The following NAV2 variants were observed in gnomAD, a reference collection of about 807,000 sequenced individuals.
The protein encoded by NAV2 is neuron navigator 2, also known as helicase, APC down-regulated 1.
Under a neutral mutation model 223.2 loss-of-function variants are expected in NAV2, and 54 were observed. The ratio of observed to expected loss-of-function variants is 0.24; its 90% CI spans 0.19 to 0.30. NAV2 has a LOEUF of 0.30. Ranked by LOEUF, NAV2 falls within the 10% of genes least tolerant of loss-of-function variation. NAV2 has a pLI of 1.00. For synonymous variants in NAV2, 1,279 were observed against 1,239.3 expected, an observed-to-expected ratio of 1.03 and a Z score of -0.67; for missense variants, 2,806 against 3,147.5, an observed-to-expected ratio of 0.89 and a Z score of 2.60.
chr11:19,878,789 GC>G (rs1336375868), intron 4 of NAV2, among the ~76,000 whole-genome samples: 1 of 152,164 alleles, frequency 6.6e-6, no homozygotes, highest in African/African-American at 2.4e-5. Context: ...CATACTTTCT[GC>G]CCCCCAACTA....
intron 1 of NAV2, among the ~76,000 whole-genome samples, chr11:19,429,215 T>A (rs1196581500): frequency 6.6e-6 from 1 of 152,214 alleles, no homozygotes; most frequent in Non-Finnish European, 1.5e-5. Context: ...CTAATCATAG[T>A]TCCTGGAGCA....
At chr11:19,470,595 A>T (rs1465114841) in intron 1 of NAV2, among the ~76,000 whole-genome samples, 1 of 152,228 alleles carries the variant, frequency 6.6e-6, no homozygotes, top group Non-Finnish European at 1.5e-5. Flanking sequence ...ACAATAATCT[A>T]TCGTGACCAT....
At chr11:19,747,136 A>T (rs1216114197) in intron 1 of NAV2, among the ~76,000 whole-genome samples, 1 of 137,012 alleles carries the variant, frequency 7.3e-6, no homozygotes, top group East Asian at 2.3e-4. Flanking sequence ...GAGTGAGAAC[A>T]TGCGGTATTT....
chr11:19,967,785 T>C (rs1389300371), intron 10 of NAV2, among the ~76,000 whole-genome samples: 1 of 152,096 alleles, frequency 6.6e-6, no homozygotes, highest in African/African-American at 2.4e-5. Flanking sequence ...CTTTCAAAGG[T>C]CTTTCAGTTT....
intron 1 of NAV2, among the ~76,000 whole-genome samples, chr11:19,803,263 G>A (rs1590632872): frequency 2.0e-5 from 3 of 152,300 alleles, no homozygotes; most frequent in Middle Eastern, 6.8e-3. Flanking sequence ...AACTCAGGTG[G>A]AGTCTCTGAT....
intron 1 of NAV2, among the ~76,000 whole-genome samples, chr11:19,722,666 A>T (rs2050846829): frequency 2.0e-5 from 3 of 152,224 alleles, no homozygotes; most frequent in African/African-American, 7.2e-5. Context: ...TAATATTTGC[A>T]GAAGAAAAGA....
At chr11:19,940,578 A>G (rs2046324731) in intron 8 of NAV2, among the ~76,000 whole-genome samples, 1 of 152,206 alleles carries the variant, frequency 6.6e-6, no homozygotes, top group African/African-American at 2.4e-5. Flanking sequence ...TTCTTCTCAT[A>G]TCTTACCACT....
At chr11:19,949,540 T>G (rs934020407) in intron 10 of NAV2, among the ~76,000 whole-genome samples, 1 of 152,212 alleles carries the variant, frequency 6.6e-6, no homozygotes, top group Non-Finnish European at 1.5e-5. Context: ...GCCTGGATTC[T>G]GCTTCCCAGA....
At chr11:19,408,340 A>G (rs1849991951) in intron 1 of NAV2, among the ~76,000 whole-genome samples, 1 of 152,194 alleles carries the variant, frequency 6.6e-6, no homozygotes, top group African/African-American at 2.4e-5. Context: ...CAGCAGACCC[A>G]TTGAGATCAT....
At chr11:19,487,238 T>A (rs980832958) in intron 1 of NAV2, among the ~76,000 whole-genome samples, 3 of 152,206 alleles carry the variant, frequency 2.0e-5, no homozygotes, top group Non-Finnish European at 2.9e-5. Context: ...ACTTGCAAGG[T>A]CACCTTGAAG....
In NAV2 at chr11:19,998,707, C is replaced by T. The variant is rs2052212039; in HGVS notation, c.2768+14460C>T. Among the ~76,000 whole-genome samples the T allele has an allele frequency of 6.6e-6, 1 of 152,030 alleles. No individual in the cohort carries two copies. The highest frequency in any genetic ancestry group is 2.4e-5 in the African/African-American group (1 of 41,394). On this transcript the variant is annotated intron_variant, in intron 11 of 37. Coordinates refer to ENST00000349880, the MANE Select transcript of NAV2 (RefSeq NM_145117.5). The surrounding 1 kb of genome is among the most constrained non-coding windows in gnomAD (Gnocchi z 5.0). ...TCCCCTCTGCATAGACTGTGCTTCC[C>T]CCCCTCTCTCCTTTTCTCCTTATAA...
intron 1 of NAV2, among the ~76,000 whole-genome samples, chr11:19,649,918 C>G (rs2047920997): frequency 1.3e-5 from 2 of 152,272 alleles, no homozygotes; most frequent in South Asian, 4.2e-4. Context: ...AATGCCAAAA[C>G]ACAAAAGTGT....
At chr11:20,064,681 G>A (rs528580045) in intron 20 of NAV2, among the ~76,000 whole-genome samples, 2 of 152,290 alleles carry the variant, frequency 1.3e-5, no homozygotes, top group African/African-American at 2.4e-5. Context: ...GTTGTTCTGG[G>A]TATGGGGACG....
intron 1 of NAV2, among the ~76,000 whole-genome samples, chr11:19,542,265 A>C (rs2044360518): frequency 6.6e-6 from 1 of 152,250 alleles, no homozygotes; most frequent in Admixed American, 6.5e-5. Context: ...ACCACCTGCC[A>C]GACACTATGC....
chr11:19,365,084 C>T (rs1413277630), intron 1 of NAV2, among the ~76,000 whole-genome samples: 1 of 152,148 alleles, frequency 6.6e-6, no homozygotes, highest in African/African-American at 2.4e-5. Context: ...TGCTTAGAGC[C>T]CAAGTTTCAC....
At chr11:19,787,268 A>ATTTTTTTTTTTTT (rs1565315820) in intron 1 of NAV2, among the ~76,000 whole-genome samples, 1 of 29,406 alleles carries the variant, frequency 3.4e-5, no homozygotes, top group African/African-American at 1.4e-4. Flanking sequence ...TTTTTATTGG[A>ATTTTTTTTTTTTT]TCTTTTTTTT....
At chr11:19,958,703 C>T (rs2048100492) in intron 10 of NAV2, among the ~76,000 whole-genome samples, 1 of 152,238 alleles carries the variant, frequency 6.6e-6, no homozygotes, top group South Asian at 2.1e-4. Context: ...TATTGTCCAC[C>T]ACTGTCACTA....
intron 11 of NAV2, among the ~76,000 whole-genome samples, chr11:20,028,637 C>T (rs893548681): frequency 2.6e-5 from 4 of 152,204 alleles, no homozygotes; most frequent in Non-Finnish European, 5.9e-5. Flanking sequence ...AGGCTGCTTG[C>T]AGTCATTCTG....
chr11:19,622,056 T>C (rs1338276076), intron 1 of NAV2, among the ~76,000 whole-genome samples: 3 of 152,248 alleles, frequency 2.0e-5, no homozygotes, highest in Non-Finnish European at 2.9e-5. Flanking sequence ...TTCCATGTAG[T>C]TGAGTGCTTT....
Sources: gnomAD v4.1 joint callset for allele counts (sites outside exome capture counted in the v4.1 genomes callset) on GRCh38, gnomAD v4.1.1 for gene constraint, Gnocchi (gnomAD v3.1) non-coding constraint, MANE v1.5 for transcripts, NCBI Gene and HGNC (gene_info 2026-07-23, HGNC 2026-07-21) for gene names.